RAB20: variants seen among roughly 807,000 people sequenced by gnomAD.
RAB20 encodes the protein RAB20, member RAS oncogene family.
A neutral mutation model predicts 3.7 loss-of-function variants in RAB20; 2 were observed. The observed-to-expected ratio is 0.54, with a 90% CI of 0.22 to 1.69. RAB20 has a LOEUF of 1.69. Ranked by LOEUF, RAB20 falls within the 40% of genes most tolerant of loss-of-function variation. RAB20 has a pLI of 0.19. For missense variants in RAB20, 276 were observed against 311.9 expected (o/e 0.88, Z 0.87); for synonymous variants, 126 against 130.8 (o/e 0.96, Z 0.25).
At chr13:110,538,614 A>G (rs2391842) in intron 1 of RAB20, among the ~76,000 whole-genome samples, 37,567 of 132,918 alleles carry the variant, frequency 0.28, 6,236 homozygotes, top group African/African-American at 0.46. Context: ...AAAAAAAAAA[A>G]AAAAGAAAGA....
intron 1 of RAB20, among the ~76,000 whole-genome samples, chr13:110,540,853 T>C (rs1180093513): frequency 2.0e-5 from 3 of 152,050 alleles, no homozygotes; most frequent in Non-Finnish European, 4.4e-5. Flanking sequence ...CGCAAAATAG[T>C]GTCTACAAAG....
At chr13:110,526,805 C>G (rs1884437243) in intron 1 of RAB20, among the ~76,000 whole-genome samples, 1 of 152,220 alleles carries the variant, frequency 6.6e-6, no homozygotes, top group Non-Finnish European at 1.5e-5. Context: ...CCCTTCAGAC[C>G]TGCCATGCCT....
intron 1 of RAB20, among the ~76,000 whole-genome samples, chr13:110,547,395 G>C (rs976710248): frequency 5.3e-5 from 8 of 152,254 alleles, no homozygotes; most frequent in African/African-American, 1.4e-4. Flanking sequence ...TGATGAGACA[G>C]GCCACAGGTT....
chr13:110,558,184 C>T (rs1033985069), intron 1 of RAB20, among the ~76,000 whole-genome samples: 2 of 152,218 alleles, frequency 1.3e-5, no homozygotes, highest in African/African-American at 4.8e-5. Context: ...TTCTAGGGCT[C>T]TGCCTCCTCG....
intron 1 of RAB20, among the ~76,000 whole-genome samples, chr13:110,528,413 C>CAA (rs11386477): frequency 0.12 from 14,381 of 120,760 alleles, 893 homozygotes; most frequent in Middle Eastern, 0.16. Context: ...AACTCCATCT[C>CAA]AAAAAAAAAA....
intron 1 of RAB20, among the ~76,000 whole-genome samples, chr13:110,531,264 G>A (rs907013048): frequency 7.9e-5 from 12 of 152,224 alleles, no homozygotes; most frequent in Non-Finnish European, 1.3e-4. Context: ...AAGGGGCCTA[G>A]GGCCCCTTTG....
chr13:110,561,239 T>G (rs1885123629), intron 1 of RAB20, 109 bp downstream of exon 1: 3 of 1,339,228 alleles, frequency 2.2e-6, no homozygotes, highest in Non-Finnish European at 9.8e-7. Flanking sequence ...AGGCATTTGC[T>G]GTCCGAGGCC....
intron 1 of RAB20, among the ~76,000 whole-genome samples, chr13:110,557,192 T>G (rs1389185238): frequency 1.3e-5 from 2 of 152,142 alleles, no homozygotes; most frequent in Non-Finnish European, 2.9e-5. Context: ...AGGGAGGATG[T>G]GGTGCCAGAG....
At chr13:110,558,105 A>T (rs1040319076) in intron 1 of RAB20, among the ~76,000 whole-genome samples, 4 of 152,246 alleles carry the variant, frequency 2.6e-5, no homozygotes, top group Non-Finnish European at 5.9e-5. Context: ...TATATTTGCC[A>T]ACAACAGGCA....
At chr13:110,539,390 G>A (rs550585644) in intron 1 of RAB20, among the ~76,000 whole-genome samples, 5 of 152,108 alleles carry the variant, frequency 3.3e-5, no homozygotes, top group Admixed American at 6.5e-5. Flanking sequence ...ACCCCTGCCC[G>A]CGAAATGAAG....
At chr13:110,528,610 C>T (rs1884474974) in intron 1 of RAB20, among the ~76,000 whole-genome samples, 1 of 152,114 alleles carries the variant, frequency 6.6e-6, no homozygotes, top group Non-Finnish European at 1.5e-5. Flanking sequence ...AATGCGGAGT[C>T]AGGGGCACTC....
chr13:110,530,079 C>T (rs73621214), intron 1 of RAB20, among the ~76,000 whole-genome samples: 5,764 of 151,994 alleles, frequency 0.038, 383 homozygotes, highest in African/African-American at 0.13. Flanking sequence ...GAAATGAAGA[C>T]GCCCTGCTCA....
rs553356877 is a variant in RAB20 at position 110,526,594 on chromosome 13, A to G, written c.173-2397T>C. 2.6e-5 allele frequency among the ~76,000 whole-genome samples: 4 copies of G among 152,308 alleles called. No individual in the cohort carries two copies. In the South Asian group the frequency reaches 8.3e-4, roughly 32 times the overall value. ...CACTGGGGTCATAAACCAAATTCAC[A>G]GGGTCCATGACCTTGAATGAGGGAG... On this transcript the variant is annotated intron_variant, in intron 1 of 1. Transcript: ENST00000267328.
Position 110,523,769 on chromosome 13 carries a change from C to T in RAB20, c.601G>A (p.Val201Met). Residue 201 changes from valine (V) to methionine (M), a missense_variant, in exon 2 of 2, where the codon GTG (valine) becomes ATG (methionine). Coordinates refer to ENST00000267328, the MANE Select transcript of RAB20 (RefSeq NM_017817.3). The stretch of plus-strand genomic sequence containing the variant: ...CTCTGCTGTAAGATCATTGGCACCA[C>T]CAGGTCAAAGAGGGTCTCAAACAGG... Reference protein sequence around the residue: ...DLLFETLFDLVVPMILQQRAE... With the variant: ...DLLFETLFDLMVPMILQQRAE... 6.2e-7 allele frequency: 1 copy of T among 1,614,186 alleles called. No individual in the cohort carries two copies. The highest frequency in any genetic ancestry group is 2.2e-5 in the East Asian group (1 of 44,870).
chr13:110,527,288 C>A (rs1481271043), intron 1 of RAB20, among the ~76,000 whole-genome samples: 1 of 152,116 alleles, frequency 6.6e-6, no homozygotes, highest in Non-Finnish European at 1.5e-5. Context: ...CAGAGACACA[C>A]ACTCATGTCC....
intron 1 of RAB20, among the ~76,000 whole-genome samples, chr13:110,541,783 G>A (rs1884766806): frequency 6.6e-6 from 1 of 151,518 alleles, no homozygotes; most frequent in Non-Finnish European, 1.5e-5. Flanking sequence ...AGCTGACTGC[G>A]AGTTTACTTC....
In RAB20 at chr13:110,555,556, G is replaced by A. The variant is rs555585654; in HGVS notation, c.172+5792C>T. Among the ~76,000 whole-genome samples the A allele has an allele frequency of 6.6e-6, 1 of 152,264 alleles. No homozygotes were observed. The highest frequency in any genetic ancestry group is 2.1e-4 in the South Asian group (1 of 4,824). On this transcript the variant is annotated intron_variant, in intron 1 of 1. Coordinates refer to ENST00000267328, the MANE Select transcript of RAB20 (RefSeq NM_017817.3). This position sits in a 1 kb window ranked among gnomAD's most constrained non-coding sequence, Gnocchi z 4.0. ...TGGGTTCTGGCACCAAGAACATTGG[G>A]GTCTGCAAGGCTCATGCCAAAGCTC... is the stretch of plus-strand genomic sequence containing the variant.
intron 1 of RAB20, among the ~76,000 whole-genome samples, chr13:110,559,145 G>C (rs1885090772): frequency 6.6e-6 from 1 of 152,066 alleles, no homozygotes; most frequent in Non-Finnish European, 1.5e-5. Flanking sequence ...CCAGGCATTG[G>C]GTGTACACTG....
intron 1 of RAB20, among the ~76,000 whole-genome samples, chr13:110,524,668 C>A (rs1348957159): frequency 1.3e-5 from 2 of 152,224 alleles, no homozygotes; most frequent in Admixed American, 1.3e-4. Flanking sequence ...CTTTACACCC[C>A]CTGGGTGCTC....
Sources: allele counts gnomAD v4.1 joint callset (sites outside exome capture counted in the v4.1 genomes callset), GRCh38; gene constraint gnomAD v4.1.1; non-coding constraint Gnocchi (gnomAD v3.1); transcripts MANE v1.5; gene names NCBI Gene and HGNC (gene_info 2026-07-23, HGNC 2026-07-21).